The following RHAG variants were observed in gnomAD, a reference collection of about 807,000 sequenced individuals.
The protein encoded by RHAG is Rh associated glycoprotein, also known as ammonium transporter Rh type A.
In RHAG, 25 loss-of-function variants were observed where a neutral mutation model predicts 42.4. The observed-to-expected ratio is 0.59, with a 90% CI of 0.43 to 0.82. The LOEUF is 0.82. Ranked by LOEUF, RHAG falls within the 40% of genes least tolerant of loss-of-function variation. The pLI is 0.00. For synonymous variants in RHAG, 182 were observed against 177.7 expected (o/e 1.02, Z -0.19); for missense variants, 483 against 504.6 (o/e 0.96, Z 0.41).
chr6:49,627,973 A>T (rs1304049169), intron 1 of RHAG, among the ~76,000 whole-genome samples: 1 of 152,196 alleles, frequency 6.6e-6, no homozygotes, highest in Non-Finnish European at 1.5e-5. Context: ...ATAACTCAAC[A>T]TGTTAAAATG....
chr6:49,617,099 T>C (rs1762669323), intron 3 of RHAG, among the ~76,000 whole-genome samples: 1 of 152,340 alleles, frequency 6.6e-6, no homozygotes, highest in East Asian at 1.9e-4. Context: ...GGTGGTTTCA[T>C]CTGGTATCGC....
intron 6 of RHAG, 143 bp downstream of exon 6, chr6:49,612,254 G>A (rs746906011): frequency 5.0e-6 from 4 of 807,426 alleles, no homozygotes; most frequent in Non-Finnish European, 8.3e-6. Context: ...TGAAATGGGA[G>A]TGGTATTTCC....
At chr6:49,611,251 T>C (rs1762564608) in intron 6 of RHAG, 106 bp from the exon 7 acceptor site, 1 of 862,668 alleles carries the variant, frequency 1.2e-6, no homozygotes, top group Admixed American at 2.4e-5. Context: ...AGAAAAAGTA[T>C]TTTATAAATA....
chr6:49,626,776 C>T (rs971651733), intron 1 of RHAG, among the ~76,000 whole-genome samples: 2 of 152,266 alleles, frequency 1.3e-5, no homozygotes, highest in Admixed American at 1.3e-4. Flanking sequence ...GATATCCAGG[C>T]ACTTCCATAC....
chr6:49,621,441 G>T (rs527636213), intron 1 of RHAG, among the ~76,000 whole-genome samples: 2 of 151,946 alleles, frequency 1.3e-5, no homozygotes, highest in Non-Finnish European at 2.9e-5. Context: ...CCTCCTGAAG[G>T]GTCAGCTGAG....
intron 1 of RHAG, 47 bp from the exon 2 acceptor site, chr6:49,619,409 G>T: frequency 6.5e-7 from 1 of 1,530,440 alleles, no homozygotes; most frequent in Non-Finnish European, 9.0e-7. Context: ...AGAGCATGAA[G>T]AAAGTACTGC....
At position 49,605,575 on chromosome 6, in the gene RHAG, TC is replaced by T; in HGVS notation, c.*237del. Reference sequence around the variant, plus strand: ...TTGATTATCTGTTTTATGAGTAACATCCCCTCAATTAATCATTGAAGAGCAA... The same window carrying T: ...TTGATTATCTGTTTTATGAGTAACATCCCTCAATTAATCATTGAAGAGCAA... On this transcript the variant is annotated 3_prime_UTR_variant, in exon 10 of 10. Coordinates refer to ENST00000371175, the MANE Select transcript of RHAG (RefSeq NM_000324.3). The T allele has an allele frequency of 1.7e-6, 1 of 599,362 alleles. No homozygotes were observed. The highest frequency in any genetic ancestry group is 3.0e-6 in the Non-Finnish European group (1 of 330,814). The allele number at this position is 599,362 out of a possible 1,614,324, so 37.1% of individuals were successfully genotyped here. A position where few individuals can be genotyped will look rare whatever the true frequency, so the allele number is the denominator to read the frequency against.
At chr6:49,607,630 AT>A (rs1292128270) in intron 7 of RHAG, among the ~76,000 whole-genome samples, 3 of 152,212 alleles carry the variant, frequency 2.0e-5, no homozygotes, top group Non-Finnish European at 2.9e-5. Flanking sequence ...TTCAGCATAT[AT>A]TGTAGAGATA....
chr6:49,619,985 T>A (rs1263205591), intron 1 of RHAG, among the ~76,000 whole-genome samples: 1 of 152,206 alleles, frequency 6.6e-6, no homozygotes, highest in East Asian at 1.9e-4. Context: ...TTATCAAATA[T>A]GTATAATAGC....
At chr6:49,613,480 A>G (rs1399437065) in intron 5 of RHAG, among the ~76,000 whole-genome samples, 1 of 152,092 alleles carries the variant, frequency 6.6e-6, no homozygotes, top group Non-Finnish European at 1.5e-5. Flanking sequence ...GAACTGTGCG[A>G]TTTTTCCTTT....
Position 49,619,276 on chromosome 6 carries a change from T to C in RHAG, c.244A>G (p.Ile82Val), listed in dbSNP as rs1282455295. The C allele has an allele frequency of 1.2e-6, 2 of 1,614,116 alleles. No individual in the cohort carries two copies. Among genetic ancestry groups the C allele is most frequent in the Non-Finnish European group, 1.7e-6 (2 of 1,179,998 alleles). ...CCCAAAGCAGCAACGAGTAGGTTGA[T>C]ACCCACACTGCTGAAGCCATATTTC... ...LKKYGFSSVG[I>V]NLLVAALGLQ... The change falls in exon 2 of 10, where the codon ATC (isoleucine) becomes GTC (valine). Residue 82 changes from isoleucine (I) to valine (V), a missense_variant. Transcript: ENST00000371175.
intron 1 of RHAG, among the ~76,000 whole-genome samples, chr6:49,633,152 T>G (rs1052280654): frequency 2.0e-5 from 3 of 152,182 alleles, no homozygotes; most frequent in African/African-American, 4.8e-5. Flanking sequence ...GTAGTTTACT[T>G]AAAATGTAGA....
chr6:49,611,119 G>C lies in RHAG; in HGVS notation c.972C>G (p.Ile324Met). Residue 324 changes from isoleucine to methionine, a missense_variant, in exon 7 of 10, where the codon ATC becomes ATG. Coordinates refer to ENST00000371175, the MANE Select transcript of RHAG (RefSeq NM_000324.3). ...GGTTATGGACCCCACATGTATCATGGATCCTCAGTTTAGTAGTAAAAAGTG... is the reference window on the plus strand; with the variant it reads ...GGTTATGGACCCCACATGTATCATGCATCCTCAGTTTAGTAGTAAAAAGTG... ...LTPLFTTKLRIHDTCGVHNLH... is the reference protein window; with the variant it reads ...LTPLFTTKLRMHDTCGVHNLH... 1.2e-6 allele frequency: 2 copies of C among 1,613,532 alleles called. No individual in the cohort carries two copies. The highest frequency in any genetic ancestry group is 1.7e-6 in the Non-Finnish European group (2 of 1,179,656).
At chr6:49,625,493 T>C (rs1417394334) in intron 1 of RHAG, among the ~76,000 whole-genome samples, 2 of 152,220 alleles carry the variant, frequency 1.3e-5, no homozygotes, top group Non-Finnish European at 2.9e-5. Context: ...AGCATCATTA[T>C]AATCAGTGGT....
At chr6:49,622,969 G>C (rs979340617) in intron 1 of RHAG, among the ~76,000 whole-genome samples, 2 of 151,686 alleles carry the variant, frequency 1.3e-5, no homozygotes, top group Non-Finnish European at 2.9e-5. Flanking sequence ...CCGAGTAGCT[G>C]GGACTACAGG....
intron 1 of RHAG, among the ~76,000 whole-genome samples, chr6:49,628,151 CACACACACACAG>C (rs1300515429): frequency 1.2e-3 from 155 of 127,750 alleles, no homozygotes; most frequent in African/African-American, 4.5e-3. Flanking sequence ...CACACACACA[CACACACACACAG>C]AGAGAGAGAG....
chr6:49,636,635 A>T (rs747074942), intron 1 of RHAG, 21 bp downstream of exon 1: 1 of 1,613,298 alleles, frequency 6.2e-7, no homozygotes. Context: ...ATGTATAGTA[A>T]GTAGTAAATT....
At chr6:49,616,798 C>A (rs1415855914) in intron 3 of RHAG, among the ~76,000 whole-genome samples, 2 of 152,172 alleles carry the variant, frequency 1.3e-5, no homozygotes, top group African/African-American at 4.8e-5. Flanking sequence ...AAATATCTTC[C>A]CAGCATATAT....
chr6:49,614,881 A>T (rs2127351970), intron 4 of RHAG, 28 bp from the exon 5 acceptor site: 2 of 1,603,466 alleles, frequency 1.2e-6, no homozygotes, highest in Non-Finnish European at 1.7e-6. Context: ...AGGGGATATT[A>T]GTTCTGAATA....
Sources: gnomAD v4.1 joint callset for allele counts (sites outside exome capture counted in the v4.1 genomes callset) on GRCh38, gnomAD v4.1.1 for gene constraint, MANE v1.5 for transcripts, NCBI Gene and HGNC (gene_info 2026-07-23, HGNC 2026-07-21) for gene names.